The following PINK1 variants were observed in gnomAD, a reference collection of about 807,000 sequenced individuals.
The protein encoded by PINK1 is PTEN induced kinase 1, also known as serine/threonine-protein kinase PINK1, mitochondrial.
In PINK1, 58 loss-of-function variants were observed where a neutral mutation model predicts 56.0. The observed-to-expected ratio is 1.04, with a 90% CI of 0.84 to 1.29. The LOEUF is 1.29. PINK1 is among the 50% of genes most tolerant of loss of function. The probability of loss-of-function intolerance (pLI) is 0.00; values close to 1 mark genes in which losing one functional copy is unlikely to be tolerated. For missense variants in PINK1, 745 were observed against 777.9 expected (o/e 0.96, Z 0.50); for synonymous variants, 354 against 339.3 (o/e 1.04, Z -0.48).
At chr1:20,650,019 C>T (rs542589) in intron 7 of PINK1, 269,538 of 315,516 alleles carry the variant, frequency 0.85, 115,657 homozygotes, top group Middle Eastern at 0.91. Flanking sequence ...CATACCTGCA[C>T]CCCAGCACTG....
rs1271227682 is a variant in PINK1 at position 20,633,928 on chromosome 1, A to G, written c.380A>G (p.Glu127Gly). ...ESRRAVSACQ[E>G]IQAIFTQKSK... Reference sequence around the variant, plus strand: ...CGGCGGGCGGTCTCGGCCTGTCAGGAGATCCAGGTGAGCGGGGCCGGGTCC... The same window carrying G: ...CGGCGGGCGGTCTCGGCCTGTCAGGGGATCCAGGTGAGCGGGGCCGGGTCC... Residue 127 changes from glutamate (E) to glycine (G), a missense_variant, in exon 1 of 8, where the codon GAG becomes GGG. Glu to Gly is a moderately conservative substitution (Grantham distance 98). Coordinates refer to ENST00000321556, the MANE Select transcript of PINK1 (RefSeq NM_032409.3). 1 of 1,578,142 alleles carries G rather than the reference A, an allele frequency of 6.3e-7. No individual in the cohort carries two copies. The highest frequency in any genetic ancestry group is 1.4e-5 in the African/African-American group (1 of 72,696).
chr1:20,643,931 G>A (rs923674686), intron 3 of PINK1, among the ~76,000 whole-genome samples: 1 of 151,900 alleles, frequency 6.6e-6, no homozygotes, highest in Non-Finnish European at 1.5e-5. Context: ...CATACCTATG[G>A]TAAAGTTTAA....
intron 5 of PINK1, 99 bp from the exon 6 acceptor site, chr1:20,648,406 G>A: frequency 2.6e-6 from 4 of 1,555,748 alleles, no homozygotes; most frequent in Non-Finnish European, 3.5e-6. Context: ...ATTAGCCCCT[G>A]TCAGCTATGT....
Position 20,641,962 on chromosome 1 carries a change from G to T in PINK1, c.776+1970G>T, listed in dbSNP as rs146194592. 2.1e-3 allele frequency among the ~76,000 whole-genome samples: 316 copies of T among 152,240 alleles called. 3 individuals are homozygous for T. Among genetic ancestry groups the T allele is most frequent in the African/African-American group, 7.1e-3 (294 of 41,542 alleles). ...CTGCCCCTGAGCTCCCATGACACCTGCTGGGGCCCTGACAGCCTGGGGCTG... is the reference window on the plus strand; with the variant it reads ...CTGCCCCTGAGCTCCCATGACACCTTCTGGGGCCCTGACAGCCTGGGGCTG... On this transcript the variant is annotated intron_variant, in intron 3 of 7. Transcript: ENST00000321556. This position sits in a 1 kb window ranked among gnomAD's most constrained non-coding sequence, Gnocchi z 4.0.
At position 20,648,623 on chromosome 1, in the gene PINK1, G is replaced by T; in HGVS notation, c.1242G>T (p.Met414Ile). The change falls in exon 6 of 8, where the codon ATG becomes ATT. Residue 414 changes from methionine to isoleucine, a missense_variant. Met to Ile is a conservative substitution (Grantham distance 10). Transcript: ENST00000321556. ...YVDRGGNGCL[M>I]APEVSTARPG... ...ATCGGGGCGGAAACGGCTGTCTGAT[G>T]GCCCCAGAGGTGAGTCCCGAGTGTG... The T allele has an allele frequency of 6.2e-7, 1 of 1,613,858 alleles. No individual in the cohort carries two copies.
chr1:20,650,511 G>A lies in PINK1; in HGVS notation c.1566G>A (p.Leu522=). The stretch of plus-strand genomic sequence containing the variant: ...AACATATTCTAGCCCTGAAGAATCT[G>A]AAGTTAGACAAGATGGTTGGCTGGC... ...WGEHILALKN[L]KLDKMVGWLL... The change falls in exon 8 of 8, where the codon CTG becomes CTA. Residue 522 remains leucine (L), a synonymous_variant. Coordinates refer to ENST00000321556, the MANE Select transcript of PINK1 (RefSeq NM_032409.3). 2 of 1,614,198 alleles carry A rather than the reference G, an allele frequency of 1.2e-6. No homozygotes were observed. Among genetic ancestry groups the A allele is most frequent in the African/African-American group, 2.7e-5 (2 of 75,042 alleles).
chr1:20,638,048 C>T lies in PINK1; in HGVS notation c.594C>T (p.Thr198=). 1 of 1,614,176 alleles carries T rather than the reference C, an allele frequency of 6.2e-7. No homozygotes were observed. The highest frequency in any genetic ancestry group is 8.5e-7 in the Non-Finnish European group (1 of 1,180,032). Residue 198 remains threonine, a synonymous_variant, in exon 2 of 8, where the codon ACC becomes ACT. Coordinates refer to ENST00000321556, the MANE Select transcript of PINK1 (RefSeq NM_032409.3). ...TGCTTCCAGGGAGAGGCCCAGGTAC[C>T]AGTGCACCAGGAGAAGGGCAGGAGC... is the stretch of plus-strand genomic sequence containing the variant. ...TGLLPGRGPG[T]SAPGEGQERA...
In PINK1 at chr1:20,633,650, G is replaced by T; in HGVS notation, c.102G>T (p.Pro34=). ...GCCGGGCCTACGGCTTGGGGCGGCC[G>T]GGCCCGGCGGCGGGCTGTGTCCGCG... ...KPGRAYGLGR[P]GPAAGCVRGE... is the part of the protein sequence containing the mutation. Residue 34 remains proline (P), a synonymous_variant, in exon 1 of 8, where the codon CCG becomes CCT. Transcript: ENST00000321556. The T allele has an allele frequency of 7.5e-7, 1 of 1,331,280 alleles. No individual in the cohort carries two copies. The highest frequency in any genetic ancestry group is 9.5e-7 in the Non-Finnish European group (1 of 1,050,112). 82.5% of individuals were successfully genotyped at this position (1,331,280 alleles called of 1,614,324 possible).
rs757843763 is a variant in PINK1, at chr1:20,650,448, A to G, written c.1503A>G (p.Arg501=). The G allele has an allele frequency of 1.9e-6, 3 of 1,614,008 alleles. No homozygotes were observed. The Admixed American group carries it at 5.0e-5, about 27-fold the overall frequency. ...TCCTGTTGCAGAGACCATCTGCCCG[A>G]GTAGCCGCAAATGTGCTTCATCTAA... ...QREASKRPSA[R]VAANVLHLSL... is the part of the protein sequence containing the mutation. The change falls in exon 8 of 8, where the codon CGA becomes CGG. Residue 501 remains arginine, a synonymous_variant. Transcript: ENST00000321556.
chr1:20,650,951 C>A lies in PINK1; in HGVS notation c.*260C>A. On this transcript the variant is annotated 3_prime_UTR_variant, in exon 8 of 8. Transcript: ENST00000321556. ...GGACTGAGGAGGGGTAGGCCTGCATCCACAGAGAGGATCCAGGCCAAGGCA... is the reference window on the plus strand; with the variant it reads ...GGACTGAGGAGGGGTAGGCCTGCATACACAGAGAGGATCCAGGCCAAGGCA... 1.9e-6 allele frequency: 1 copy of A among 538,226 alleles called. No homozygotes were observed. Among genetic ancestry groups the A allele is most frequent in the Non-Finnish European group, 3.3e-6 (1 of 298,854 alleles). The allele number at this position is 538,226 out of a possible 1,614,324, so 33.3% of individuals were successfully genotyped here.
rs117438827 is a variant in PINK1, at chr1:20,633,949, G to T, written c.387+14G>T. Reference sequence around the variant, plus strand: ...CAGGAGATCCAGGTGAGCGGGGCCGGGTCCTAAGCCGAGCGGAGGACGGAG... The same window carrying T: ...CAGGAGATCCAGGTGAGCGGGGCCGTGTCCTAAGCCGAGCGGAGGACGGAG... On this transcript the variant is annotated intron_variant, in intron 1 of 7. Transcript: ENST00000321556. The T allele has an allele frequency of 1.3e-6, 2 of 1,579,744 alleles. No homozygotes were observed. The highest frequency in any genetic ancestry group is 1.7e-6 in the Non-Finnish European group (2 of 1,167,234).
intron 6 of PINK1, 75 bp downstream of exon 6, chr1:20,648,707 C>T: frequency 6.3e-7 from 1 of 1,588,530 alleles, no homozygotes. Context: ...GACTCGATGC[C>T]TTGTGATAAC....
At position 20,650,888 on chromosome 1, in the gene PINK1, G is replaced by A. The variant is rs1308199846; in HGVS notation, c.*197G>A. 4 of 699,174 alleles carry A rather than the reference G, an allele frequency of 5.7e-6. No homozygotes were observed. Among genetic ancestry groups the A allele is most frequent in the Non-Finnish European group, 9.6e-6 (4 of 417,580 alleles). The allele number at this position is 699,174 out of a possible 1,614,324, so 43.3% of individuals were successfully genotyped here. A position where few individuals can be genotyped will look rare whatever the true frequency, so the allele number is the denominator to read the frequency against. Reference sequence around the variant, plus strand: ...TGCAGTCCTCTGCTCACAGACATCTGAAAAGTGAATGGCCAAGCTGGTCTA... The same window carrying A: ...TGCAGTCCTCTGCTCACAGACATCTAAAAAGTGAATGGCCAAGCTGGTCTA... On this transcript the variant is annotated 3_prime_UTR_variant, in exon 8 of 8. Coordinates refer to ENST00000321556, the MANE Select transcript of PINK1 (RefSeq NM_032409.3).
At chr1:20,644,330 A>G (rs1488310814) in intron 3 of PINK1, among the ~76,000 whole-genome samples, 160 bp from the exon 4 acceptor site, 1 of 152,218 alleles carries the variant, frequency 6.6e-6, no homozygotes, top group Non-Finnish European at 1.5e-5. Flanking sequence ...GTGTTCTCCA[A>G]CACCATGTAC....
At position 20,650,461 on chromosome 1, in the gene PINK1, G is replaced by A. The variant is rs763284341; in HGVS notation, c.1516G>A (p.Val506Met). The A allele has an allele frequency of 2.5e-6, 4 of 1,613,900 alleles. No individual in the cohort carries two copies. The highest frequency in any genetic ancestry group is 3.4e-6 in the Non-Finnish European group (4 of 1,179,934). The change falls in exon 8 of 8, where the codon GTG becomes ATG. Residue 506 changes from valine to methionine, a missense_variant. Val to Met is a conservative substitution (Grantham distance 21). Coordinates refer to ENST00000321556, the MANE Select transcript of PINK1 (RefSeq NM_032409.3). ...ACCATCTGCCCGAGTAGCCGCAAAT[G>A]TGCTTCATCTAAGCCTCTGGGGTGA... ...KRPSARVAAN[V>M]LHLSLWGEHI...
intron 5 of PINK1, among the ~76,000 whole-genome samples, chr1:20,646,244 T>G (rs746545227): frequency 6.6e-6 from 1 of 152,092 alleles, no homozygotes; most frequent in Non-Finnish European, 1.5e-5. Context: ...TGCAATGAGC[T>G]ATGAATGTGC....
rs764811244 is a variant in PINK1 at position 20,648,958 on chromosome 1, C to T, written c.1252-37C>T. On this transcript the variant is annotated intron_variant, in intron 6 of 7. Coordinates refer to ENST00000321556, the MANE Select transcript of PINK1 (RefSeq NM_032409.3). ...GCAGGACATGAAAAGGTTAGATGGG[C>T]GGGCAGCGTGATGTCTCACCCACTG... The T allele has an allele frequency of 6.0e-5, 95 of 1,592,136 alleles. 1 individual carries two copies. Among genetic ancestry groups the T allele is most frequent in the Non-Finnish European group, 7.6e-5 (88 of 1,161,866 alleles).
Position 20,645,532 on chromosome 1 carries a change from G to A in PINK1, c.960-28G>A, listed in dbSNP as rs376445270. On this transcript the variant is annotated intron_variant, in intron 4 of 7. Coordinates refer to ENST00000321556, the MANE Select transcript of PINK1 (RefSeq NM_032409.3). ...TATTGGGAGTCGTCGATGTGTGGTA[G>A]CCAGAGGCCCTCTCCCCTCTCCGCC... The A allele has an allele frequency of 1.6e-5, 26 of 1,606,910 alleles. No individual in the cohort carries two copies. In the African/African-American group the frequency reaches 3.5e-4, roughly 22 times the overall value.
At chr1:20,638,512 G>C (rs1007473572) in intron 2 of PINK1, 3 of 299,328 alleles carry the variant, frequency 1.0e-5, no homozygotes, top group Non-Finnish European at 2.0e-5. Context: ...GCACCTGTAT[G>C]TAGTCTTAGC....
Sources: gnomAD v4.1 joint callset for allele counts (sites outside exome capture counted in the v4.1 genomes callset) on GRCh38, gnomAD v4.1.1 for gene constraint, Gnocchi (gnomAD v3.1) non-coding constraint, MANE v1.5 for transcripts, NCBI Gene and HGNC (gene_info 2026-07-23, HGNC 2026-07-21) for gene names.